The following SCUBE2 variants were observed in gnomAD, a reference collection of about 807,000 sequenced individuals.
SCUBE2 encodes signal peptide, CUB domain and EGF like domain containing 2, also known as signal peptide, CUB and EGF-like domain-containing protein 2.
SCUBE2 carries 114 observed loss-of-function variants against 125.9 expected under a neutral mutation model. That is an observed-to-expected ratio of 0.91 (90% CI 0.78 to 1.06). The LOEUF (loss-of-function observed/expected upper bound fraction) is 1.06, where lower values mean the gene tolerates loss of function less well. Among genes scored for constraint, SCUBE2 ranks in the 50% least tolerant of loss-of-function variants. The probability of loss-of-function intolerance (pLI) is 0.00; values close to 1 mark genes in which losing one functional copy is unlikely to be tolerated. For missense variants in SCUBE2, 1,255 were observed against 1,301.8 expected (o/e 0.96, Z 0.55); for synonymous variants, 459 against 492.9 (o/e 0.93, Z 0.91).
At chr11:9,089,326 G>C (rs963605931) in intron 2 of SCUBE2, among the ~76,000 whole-genome samples, 1 of 152,194 alleles carries the variant, frequency 6.6e-6, no homozygotes, top group African/African-American at 2.4e-5. Context: ...TCAGACTTCA[G>C]GGCAAAGGTA....
rs778973069 is a variant in SCUBE2 at position 9,069,428 on chromosome 11, G to A, written c.585C>T (p.Ser195=). ...SHICKEAPRG[S]VACECRPGFE... is the part of the protein sequence containing the mutation. ...AACCAGGCCTGCACTCACAGGCGACGCTGCCCCTTGGGGCCTCCTTGCAGA... is the reference window on the plus strand; with the variant it reads ...AACCAGGCCTGCACTCACAGGCGACACTGCCCCTTGGGGCCTCCTTGCAGA... Residue 195 remains serine (S), a synonymous_variant, in exon 5 of 23, where the codon AGC becomes AGT. Coordinates refer to ENST00000649792, the MANE Select transcript of SCUBE2 (RefSeq NM_001367977.2). 9.3e-6 allele frequency: 15 copies of A among 1,614,102 alleles called. No individual in the cohort carries two copies. The highest frequency in any genetic ancestry group is 2.7e-5 in the African/African-American group (2 of 74,930).
intron 11 of SCUBE2, 61 bp downstream of exon 11, chr11:9,053,576 T>A: frequency 1.9e-6 from 3 of 1,593,292 alleles, no homozygotes; most frequent in Non-Finnish European, 2.6e-6. Flanking sequence ...CACGCAGAGC[T>A]GCACTGCCTC....
At position 9,035,213 on chromosome 11, in the gene SCUBE2, T is replaced by C. The variant is rs150059422; in HGVS notation, c.2003-1417A>G. 4.4e-3 allele frequency among the ~76,000 whole-genome samples: 671 copies of C among 152,348 alleles called. 3 individuals carry two copies. The highest frequency in any genetic ancestry group is 0.015 in the African/African-American group (635 of 41,580). On this transcript the variant is annotated intron_variant, in intron 16 of 22. Transcript: ENST00000649792. ...ATGACTAACATTTGTTGAGTACTTATACCAGACACCATGTCAAAAGCTCTA... is the reference window on the plus strand; with the variant it reads ...ATGACTAACATTTGTTGAGTACTTACACCAGACACCATGTCAAAAGCTCTA...
At chr11:9,037,723 G>A (rs1175768646) in intron 16 of SCUBE2, among the ~76,000 whole-genome samples, 1 of 152,214 alleles carries the variant, frequency 6.6e-6, no homozygotes, top group Non-Finnish European at 1.5e-5. Flanking sequence ...GATAACAGGG[G>A]ACAGTCCTTC....
At chr11:9,077,168 A>G (rs1254934329) in intron 3 of SCUBE2, among the ~76,000 whole-genome samples, 3 of 152,156 alleles carry the variant, frequency 2.0e-5, no homozygotes, top group Admixed American at 6.6e-5. Context: ...AGACCATAAA[A>G]CAGTGGTTCT....
At chr11:9,064,364 G>C (rs1859990969) in intron 7 of SCUBE2, among the ~76,000 whole-genome samples, 1 of 151,864 alleles carries the variant, frequency 6.6e-6, no homozygotes, top group African/African-American at 2.4e-5. Flanking sequence ...TACTCAGGAA[G>C]CTGAGGTGAG....
chr11:9,021,958 G>A lies in SCUBE2; in HGVS notation c.2855-3C>T. 2 of 1,608,446 alleles carry A rather than the reference G, an allele frequency of 1.2e-6. No homozygotes were observed. Among genetic ancestry groups the A allele is most frequent in the Non-Finnish European group, 1.7e-6 (2 of 1,174,840 alleles). On this transcript the variant is annotated splice_polypyrimidine_tract_variant and splice_region_variant and intron_variant, in intron 21 of 22. Transcript: ENST00000649792. ...TTCAATGAGTTCCTGGTAGTCCTCT[G>A]TTGGAATAAAGAACATGTTTTGCAT...
At chr11:9,028,391 G>T (rs1049886978) in intron 19 of SCUBE2, among the ~76,000 whole-genome samples, 1 of 152,166 alleles carries the variant, frequency 6.6e-6, no homozygotes, top group Non-Finnish European at 1.5e-5. Context: ...TAGGTACAGG[G>T]CATGCTGGAT....
chr11:9,054,725 ATTTTTTTTTTT>A (rs1174774188), intron 10 of SCUBE2, among the ~76,000 whole-genome samples: 1,042 of 22,246 alleles, frequency 0.047, 17 homozygotes, highest in South Asian at 0.1. Context: ...ATATATATAT[ATTTTTTTTTTT>A]TTTTTTTTTT....
chr11:9,087,520 G>C (rs552736717), intron 2 of SCUBE2, among the ~76,000 whole-genome samples: 2 of 152,172 alleles, frequency 1.3e-5, no homozygotes, highest in Admixed American at 6.5e-5. Flanking sequence ...GCAGGGGGAG[G>C]GGGGAAGAGA....
At chr11:9,081,255 G>A (rs1042761912) in intron 2 of SCUBE2, among the ~76,000 whole-genome samples, 1 of 152,110 alleles carries the variant, frequency 6.6e-6, no homozygotes, top group Admixed American at 6.5e-5. Context: ...TCATAATGTT[G>A]TGAAACCATC....
chr11:9,043,285 C>T (rs545613782), intron 16 of SCUBE2, among the ~76,000 whole-genome samples: 2 of 152,258 alleles, frequency 1.3e-5, no homozygotes, highest in South Asian at 2.1e-4. Context: ...TATACACACA[C>T]ATGCATACAC....
At chr11:9,075,374 C>T (rs886347864) in intron 3 of SCUBE2, among the ~76,000 whole-genome samples, 1 of 152,066 alleles carries the variant, frequency 6.6e-6, no homozygotes, top group Non-Finnish European at 1.5e-5. Context: ...AAAAGATGGG[C>T]CCTTAGGATT....
chr11:9,063,553 T>C (rs1299300357), intron 7 of SCUBE2, among the ~76,000 whole-genome samples: 3 of 152,234 alleles, frequency 2.0e-5, no homozygotes, highest in African/African-American at 7.2e-5. Flanking sequence ...GAAAATTCTT[T>C]CCAACTCTGA....
intron 8 of SCUBE2, 67 bp downstream of exon 8, chr11:9,060,341 T>C (rs1226485534): frequency 7.4e-6 from 9 of 1,221,714 alleles, no homozygotes; most frequent in Non-Finnish European, 6.0e-6. Flanking sequence ...TTTATCCCCA[T>C]ATGTTAGCGG....
chr11:9,039,154 A>G (rs1229218230), intron 16 of SCUBE2, among the ~76,000 whole-genome samples: 1 of 148,006 alleles, frequency 6.8e-6, no homozygotes, highest in African/African-American at 2.6e-5. Context: ...TATGTTTTTA[A>G]GAGATGTCCT....
At chr11:9,050,563 C>A (rs1196965971) in intron 14 of SCUBE2, 43 bp downstream of exon 14, 1 of 1,509,266 alleles carries the variant, frequency 6.6e-7, no homozygotes, top group South Asian at 1.1e-5. Flanking sequence ...GGCCCCTTCC[C>A]ACATGCAGGC....
chr11:9,053,253 G>A (rs1392465882), intron 11 of SCUBE2, 38 bp from the exon 12 acceptor site: 1 of 1,553,962 alleles, frequency 6.4e-7, no homozygotes, highest in South Asian at 1.1e-5. Context: ...GAAAGAGAAG[G>A]ACATTTCCAA....
intron 10 of SCUBE2, among the ~76,000 whole-genome samples, chr11:9,054,943 A>G (rs1474718678): frequency 5.9e-5 from 9 of 151,334 alleles, no homozygotes; most frequent in Admixed American, 5.9e-4. Context: ...CATGTTGGTT[A>G]GGCTGGTCTC....
Sources: gnomAD v4.1 joint callset for allele counts (sites outside exome capture counted in the v4.1 genomes callset) on GRCh38, gnomAD v4.1.1 for gene constraint, MANE v1.5 for transcripts, NCBI Gene and HGNC (gene_info 2026-07-23, HGNC 2026-07-21) for gene names.